CFAP299: variants seen among roughly 807,000 people sequenced by gnomAD.
CFAP299 encodes the protein cilia- and flagella-associated protein 299.
Under a neutral mutation model 27.0 loss-of-function variants are expected in CFAP299, and 21 were observed. The ratio of observed to expected loss-of-function variants is 0.78; its 90% CI spans 0.55 to 1.12. The LOEUF (loss-of-function observed/expected upper bound fraction) is 1.12, where lower values mean the gene tolerates loss of function less well. Among genes scored for constraint, CFAP299 ranks in the 50% most tolerant of loss-of-function variants. CFAP299 has a pLI of 0.00. For missense variants in CFAP299, 310 were observed against 276.6 expected (o/e 1.12, Z -0.86); for synonymous variants, 104 against 98.1 (o/e 1.06, Z -0.36).
At chr4:80,656,479 G>C (rs1178737246) in intron 3 of CFAP299, among the ~76,000 whole-genome samples, 1 of 152,050 alleles carries the variant, frequency 6.6e-6, no homozygotes, top group African/African-American at 2.4e-5. Flanking sequence ...TGCAGTGTTT[G>C]GTTTTCTGTT....
At chr4:80,386,799 A>C (rs776164864) in intron 2 of CFAP299, 12 of 1,068,848 alleles carry the variant, frequency 1.1e-5, no homozygotes, top group Admixed American at 1.7e-5. Context: ...GTGTGCGTCG[A>C]TAAAGGGCAT....
At chr4:80,927,198 G>A (rs1339377677) in intron 4 of CFAP299, among the ~76,000 whole-genome samples, 1 of 152,042 alleles carries the variant, frequency 6.6e-6, no homozygotes. Flanking sequence ...AATTTAGTTT[G>A]TGTTGTTTCA....
At chr4:80,808,587 G>A (rs1728982036) in intron 3 of CFAP299, among the ~76,000 whole-genome samples, 1 of 152,036 alleles carries the variant, frequency 6.6e-6, no homozygotes, top group African/African-American at 2.4e-5. Context: ...ATGTTACATG[G>A]TGAGTCATAG....
intron 2 of CFAP299, among the ~76,000 whole-genome samples, chr4:80,490,762 T>C (rs910853609): frequency 2.6e-5 from 4 of 152,186 alleles, no homozygotes; most frequent in African/African-American, 9.7e-5. Context: ...TGAAATTCAA[T>C]GCATTAAGTA....
In CFAP299 at chr4:80,393,378, G is replaced by T. The variant is rs546521391; in HGVS notation, c.242+30494G>T. Among the ~76,000 whole-genome samples, 3 of 152,194 alleles carry T rather than the reference G, an allele frequency of 2.0e-5. No homozygotes were observed. In the South Asian group the frequency reaches 6.2e-4, roughly 32 times the overall value. On this transcript the variant is annotated intron_variant, in intron 2 of 5. Coordinates refer to ENST00000358105, the MANE Select transcript of CFAP299 (RefSeq NM_152770.3). ...TTTTGTGTAAATTTAGTGTAGCCTA[G>T]TGCAGTGTTTATAAAGCCTACAGTA... is the stretch of plus-strand genomic sequence containing the variant.
At chr4:80,781,925 G>A (rs1339214254) in intron 3 of CFAP299, among the ~76,000 whole-genome samples, 1 of 151,940 alleles carries the variant, frequency 6.6e-6, no homozygotes, top group Non-Finnish European at 1.5e-5. Context: ...TTACAGCTGT[G>A]CAATTCCAGG....
intron 4 of CFAP299, among the ~76,000 whole-genome samples, chr4:80,879,401 G>A (rs767764784): frequency 4.6e-5 from 7 of 152,040 alleles, no homozygotes; most frequent in Non-Finnish European, 7.4e-5. Context: ...TAGATCTTAG[G>A]TCTCCTAATC....
chr4:80,567,282 T>C (rs7695414), intron 2 of CFAP299, among the ~76,000 whole-genome samples: 44,841 of 152,012 alleles, frequency 0.29, 9,843 homozygotes, highest in African/African-American at 0.61. Flanking sequence ...AAAGTGATGT[T>C]ATTTTCCTGC....
At position 80,405,328 on chromosome 4, in the gene CFAP299, G is replaced by A. The variant is rs149730006; in HGVS notation, c.242+42444G>A. 1.9e-3 allele frequency among the ~76,000 whole-genome samples: 293 copies of A among 152,208 alleles called. 1 individual carries two copies. Among genetic ancestry groups the A allele is most frequent in the African/African-American group, 6.7e-3 (280 of 41,516 alleles). On this transcript the variant is annotated intron_variant, in intron 2 of 5. Transcript: ENST00000358105. ...GGATTACAAAACTCTAATACTGTAT[G>A]GCGTTAGATCAAGACTAAATGCTTT... is the stretch of plus-strand genomic sequence containing the variant.
At chr4:80,383,601 T>A (rs1046539131) in intron 2 of CFAP299, among the ~76,000 whole-genome samples, 2 of 152,238 alleles carry the variant, frequency 1.3e-5, no homozygotes, top group African/African-American at 4.8e-5. Flanking sequence ...GGATCAATAA[T>A]AAATTTTGTA....
rs531360176 is a variant in CFAP299 at position 80,905,293 on chromosome 4, G to T, written c.476+35158G>T. ...GTTAATGGTCAATATGTTTGAATCTGGTCCACTTAGTGATAGAAGACCAGA... is the reference window on the plus strand; with the variant it reads ...GTTAATGGTCAATATGTTTGAATCTTGTCCACTTAGTGATAGAAGACCAGA... On this transcript the variant is annotated intron_variant, in intron 4 of 5. Transcript: ENST00000358105. Among the ~76,000 whole-genome samples the T allele has an allele frequency of 3.9e-5, 6 of 152,216 alleles. No homozygotes were observed. In the South Asian group the frequency reaches 1.0e-3, roughly 26 times the overall value.
At chr4:80,788,911 G>C (rs1202565717) in intron 3 of CFAP299, among the ~76,000 whole-genome samples, 1 of 152,030 alleles carries the variant, frequency 6.6e-6, no homozygotes, top group African/African-American at 2.4e-5. Context: ...GTTGTCATTG[G>C]AATGAGTAAG....
intron 4 of CFAP299, among the ~76,000 whole-genome samples, chr4:80,910,945 A>T (rs144317747): frequency 1.4e-3 from 216 of 152,128 alleles, no homozygotes; most frequent in African/African-American, 4.7e-3. Context: ...GCTTCCACAT[A>T]AAAAAAGCAA....
chr4:80,519,153 GTGTT>G (rs1198975852), intron 2 of CFAP299, among the ~76,000 whole-genome samples: 1 of 151,158 alleles, frequency 6.6e-6, no homozygotes, highest in Non-Finnish European at 1.5e-5. Flanking sequence ...CTGTTAATAT[GTGTT>G]TGTGTGTGTA....
chr4:80,494,444 C>T (rs987564617), intron 2 of CFAP299, among the ~76,000 whole-genome samples: 1 of 152,130 alleles, frequency 6.6e-6, no homozygotes, highest in Admixed American at 6.5e-5. Context: ...TGCTTAAAAC[C>T]TTTTCTTGGC....
At chr4:80,511,913 T>G (rs1732323554) in intron 2 of CFAP299, among the ~76,000 whole-genome samples, 1 of 152,178 alleles carries the variant, frequency 6.6e-6, no homozygotes. Flanking sequence ...GAGTAAGATT[T>G]CATATGAAAT....
intron 3 of CFAP299, among the ~76,000 whole-genome samples, chr4:80,833,714 A>C (rs1730417826): frequency 6.6e-6 from 1 of 152,214 alleles, no homozygotes; most frequent in Non-Finnish European, 1.5e-5. Flanking sequence ...ACTGCAAGTA[A>C]ACAGTGGAAT....
At chr4:80,419,093 A>T (rs115909219) in intron 2 of CFAP299, among the ~76,000 whole-genome samples, 1,769 of 152,318 alleles carry the variant, frequency 0.012, 44 homozygotes, top group African/African-American at 0.04. Context: ...TTGACTGAGG[A>T]CCATAAGGCA....
chr4:80,708,409 T>G (rs1308096690), intron 3 of CFAP299, among the ~76,000 whole-genome samples: 2 of 152,102 alleles, frequency 1.3e-5, no homozygotes, highest in Non-Finnish European at 2.9e-5. Context: ...TTACTGAATG[T>G]AAGTAAAACT....
Sources: gnomAD v4.1 joint callset for allele counts (sites outside exome capture counted in the v4.1 genomes callset) on GRCh38, gnomAD v4.1.1 for gene constraint, MANE v1.5 for transcripts, NCBI Gene and HGNC (gene_info 2026-07-23, HGNC 2026-07-21) for gene names.